SLC44A1: variants seen among roughly 807,000 people sequenced by gnomAD.
The protein encoded by SLC44A1 is choline transporter-like protein 1.
A neutral mutation model predicts 79.3 loss-of-function variants in SLC44A1; 26 were observed. The ratio of observed to expected loss-of-function variants is 0.33; its 90% CI spans 0.24 to 0.46. The LOEUF is 0.46. Among genes scored for constraint, SLC44A1 ranks in the 20% least tolerant of loss-of-function variants. The pLI is 1.00. For synonymous variants in SLC44A1, 263 were observed against 286.2 expected (o/e 0.92, Z 0.82); for missense variants, 688 against 798.1 (o/e 0.86, Z 1.66).
At chr9:105,431,012 A>G (rs1450226548) in intron 15 of SLC44A1, among the ~76,000 whole-genome samples, 7 of 152,130 alleles carry the variant, frequency 4.6e-5, no homozygotes, top group Admixed American at 4.6e-4. Context: ...CATTTTCCTT[A>G]TGACTAATGA....
At position 105,423,180 on chromosome 9, in the gene SLC44A1, C is replaced by T. The variant is rs367788567; in HGVS notation, c.1951-15101C>T. 5.3e-4 allele frequency among the ~76,000 whole-genome samples: 81 copies of T among 152,294 alleles called. 2 individuals are homozygous for T. The South Asian group carries it at 0.016, about 31-fold the overall frequency. On this transcript the variant is annotated intron_variant, in intron 15 of 15. Coordinates refer to the SLC44A1 transcript ENST00000374724. ...AATGGGCCAGGCGTGGTGGCTCACG[C>T]CTGTAATCTCAACACTTTGGGAGGC... is the stretch of plus-strand genomic sequence containing the variant.
intron 15 of SLC44A1, among the ~76,000 whole-genome samples, chr9:105,420,452 CTT>C (rs754121568): frequency 5.3e-5 from 8 of 152,158 alleles, no homozygotes; most frequent in Non-Finnish European, 1.2e-4. Context: ...TACAAAGACT[CTT>C]TTCTTTCACT....
downstream of SLC44A1, among the ~76,000 whole-genome samples, chr9:105,399,727 G>T (rs1027048787): frequency 5.2e-5 from 2 of 38,172 alleles, no homozygotes; most frequent in Non-Finnish European, 9.7e-5. Context: ...TTAATACATT[G>T]GATTAATGTT....
At chr9:105,284,916 A>G (rs1221825940) in intron 1 of SLC44A1, among the ~76,000 whole-genome samples, 2 of 152,194 alleles carry the variant, frequency 1.3e-5, no homozygotes, top group African/African-American at 4.8e-5. Flanking sequence ...CCCCATACCC[A>G]TTAGCAGTCA....
chr9:105,271,771 G>A (rs575015103), intron 1 of SLC44A1, among the ~76,000 whole-genome samples: 2 of 152,006 alleles, frequency 1.3e-5, no homozygotes, highest in African/African-American at 2.4e-5. Flanking sequence ...CTGCCATCAC[G>A]CCTGGCTAAT....
intron 2 of SLC44A1, among the ~76,000 whole-genome samples, chr9:105,303,042 A>T (rs1305203654): frequency 6.6e-6 from 1 of 152,216 alleles, no homozygotes; most frequent in Admixed American, 6.5e-5. Context: ...TGAGAGACAG[A>T]TCAAGGATGA....
chr9:105,245,987 G>C (rs532231267), intron 1 of SLC44A1, among the ~76,000 whole-genome samples: 4 of 152,320 alleles, frequency 2.6e-5, no homozygotes, highest in Admixed American at 2.6e-4. Flanking sequence ...ACTGTCTTGT[G>C]GTGGTGTATG....
At chr9:105,286,207 A>T (rs937734776) in intron 1 of SLC44A1, among the ~76,000 whole-genome samples, 1 of 152,132 alleles carries the variant, frequency 6.6e-6, no homozygotes, top group East Asian at 1.9e-4. Context: ...TTTTTTCCAC[A>T]TAGTTCATTC....
chr9:105,323,393 A>C (rs1343051701), intron 3 of SLC44A1, among the ~76,000 whole-genome samples: 1 of 152,182 alleles, frequency 6.6e-6, no homozygotes, highest in African/African-American at 2.4e-5. Context: ...TAGATCCAGT[A>C]GGCAGATAAT....
rs149194069 is a variant in SLC44A1 at position 105,256,866 on chromosome 9, T to C, written c.36+11962T>C. Among the ~76,000 whole-genome samples the C allele has an allele frequency of 7.1e-3, 1,073 of 151,574 alleles. 11 individuals carry two copies. Among genetic ancestry groups the C allele is most frequent in the African/African-American group, 0.023 (950 of 41,292 alleles). ...GCAGTGGCGTGATCTCAGCTCACTT[T>C]AACCTCCACCTCCCAGGTTCAAGCA... On this transcript the variant is annotated intron_variant, in intron 1 of 15. Transcript: ENST00000374720.
rs997004024 is a variant in SLC44A1 at position 105,390,662 on chromosome 9, G to A, written c.*1606G>A. 1 of 985,340 alleles carries A rather than the reference G, an allele frequency of 1.0e-6. No homozygotes were observed. The highest frequency in any genetic ancestry group is 1.2e-6 in the Non-Finnish European group (1 of 829,750). 61.0% of individuals were successfully genotyped at this position (985,340 alleles called of 1,614,324 possible). ...AAAGGTAAATTGTATTTTTTTTTAA[G>A]TATTGGTGTTCTTTACTCTAGCTAG... On this transcript the variant is annotated 3_prime_UTR_variant, in exon 16 of 16. Transcript: ENST00000374720.
Position 105,270,147 on chromosome 9 carries a change from C to T in SLC44A1, c.36+25243C>T, listed in dbSNP as rs74979425. 2.5e-4 allele frequency among the ~76,000 whole-genome samples: 38 copies of T among 152,004 alleles called. No individual in the cohort carries two copies. In the East Asian group the frequency reaches 7.0e-3, roughly 28 times the overall value. ...GCTTTGGAGAGATCACAACACATGA[C>T]AGCTCTTACTGTCATGGAACTCAGT... On this transcript the variant is annotated intron_variant, in intron 1 of 15. Coordinates refer to ENST00000374720, the MANE Select transcript of SLC44A1 (RefSeq NM_080546.5).
intron 15 of SLC44A1, among the ~76,000 whole-genome samples, chr9:105,415,870 G>A (rs1056290432): frequency 1.4e-5 from 2 of 147,928 alleles, no homozygotes; most frequent in Non-Finnish European, 3.0e-5. Flanking sequence ...ATCAACTTTT[G>A]GATATTCTCT....
intron 3 of SLC44A1, among the ~76,000 whole-genome samples, chr9:105,326,415 A>G (rs1826577471): frequency 6.6e-6 from 1 of 152,156 alleles, no homozygotes; most frequent in Non-Finnish European, 1.5e-5. Context: ...ATTATAAGTA[A>G]TATCATTTGC....
chr9:105,421,582 C>CTTTTTTT (rs1056443918), intron 15 of SLC44A1, among the ~76,000 whole-genome samples: 1 of 130,194 alleles, frequency 7.7e-6, no homozygotes, highest in African/African-American at 2.8e-5. Context: ...TCAGAAATCT[C>CTTTTTTT]TTTTTTTTTT....
intron 4 of SLC44A1, among the ~76,000 whole-genome samples, chr9:105,339,411 T>G (rs1401363727): frequency 6.6e-6 from 1 of 152,174 alleles, no homozygotes; most frequent in African/African-American, 2.4e-5. Context: ...TGAGAATATA[T>G]CCAAAAGAAT....
At chr9:105,261,881 G>T (rs1349501910) in intron 1 of SLC44A1, among the ~76,000 whole-genome samples, 1 of 149,448 alleles carries the variant, frequency 6.7e-6, no homozygotes, top group Non-Finnish European at 1.5e-5. Flanking sequence ...CCAGGTTCAA[G>T]TGATTCTCCT....
intron 10 of SLC44A1, among the ~76,000 whole-genome samples, chr9:105,364,953 C>T (rs745389984): frequency 1.3e-5 from 2 of 152,058 alleles, no homozygotes; most frequent in Non-Finnish European, 2.9e-5. Context: ...AAATTTATTG[C>T]GATGTCACAA....
Position 105,380,390 on chromosome 9 carries a change from C to A in SLC44A1, c.1633-2733C>A, listed in dbSNP as rs186659263. On this transcript the variant is annotated intron_variant, in intron 13 of 15. Transcript: ENST00000374720. ...TTGAGATGGAATCTGGTTTTGTGCC[C>A]AGGCTGGTCTTGAAGTCCTGGGCTC... Among the ~76,000 whole-genome samples, 596 of 151,996 alleles carry A rather than the reference C, an allele frequency of 3.9e-3. 3 individuals are homozygous for A. Among genetic ancestry groups the A allele is most frequent in the Non-Finnish European group, 6.4e-3 (438 of 67,986 alleles).
Sources: gnomAD v4.1 joint callset for allele counts (sites outside exome capture counted in the v4.1 genomes callset) on GRCh38, gnomAD v4.1.1 for gene constraint, MANE v1.5 for transcripts, NCBI Gene and HGNC (gene_info 2026-07-23, HGNC 2026-07-21) for gene names.